The following DEGS2 variants were observed in gnomAD, a reference collection of about 807,000 sequenced individuals.
DEGS2 encodes delta 4-desaturase, sphingolipid 2, also known as sphingolipid delta(4)-desaturase/C4-monooxygenase DES2.
In DEGS2, 19 loss-of-function variants were observed where a neutral mutation model predicts 23.8. That is an observed-to-expected ratio of 0.80 (90% confidence interval 0.56 to 1.17). The LOEUF (loss-of-function observed/expected upper bound fraction) is 1.17. DEGS2 is among the 50% of genes most tolerant of loss of function. The pLI, the probability that DEGS2 is intolerant of heterozygous loss-of-function variation, is 0.00. For missense variants in DEGS2, 390 were observed against 459.5 expected (o/e 0.85, Z 1.38); for synonymous variants, 218 against 213.7 (o/e 1.02, Z -0.18).
At chr14:100,161,807 C>T (rs111772015), upstream of DEGS2, among the ~76,000 whole-genome samples, 9,034 of 152,266 alleles carry the variant, frequency 0.059, 553 homozygotes, top group African/African-American at 0.15. Flanking sequence ...TGGTGGCTCA[C>T]GCCTGTAATC....
upstream of DEGS2, among the ~76,000 whole-genome samples, chr14:100,160,879 G>A (rs1889738358): frequency 6.6e-6 from 1 of 152,210 alleles, no homozygotes; most frequent in South Asian, 2.1e-4. Flanking sequence ...TTTTCCATCA[G>A]CAGGGGGACC....
chr14:100,152,423 G>T (rs1889587785), intron 1 of DEGS2, among the ~76,000 whole-genome samples: 1 of 152,202 alleles, frequency 6.6e-6, no homozygotes, highest in African/African-American at 2.4e-5. Flanking sequence ...GGTGTTTCCA[G>T]ACTGGCAGAG....
intron 1 of DEGS2, 75 bp downstream of exon 1, chr14:100,159,431 G>A: frequency 8.2e-7 from 1 of 1,216,438 alleles, no homozygotes; most frequent in South Asian, 1.7e-5. Flanking sequence ...GCCCGTCTGG[G>A]CTCGACCCCA....
At chr14:100,166,643 AGGG>A in the DEGS2 span, among the ~76,000 whole-genome samples, 1 of 152,072 alleles carries the variant, frequency 6.6e-6, no homozygotes, top group Non-Finnish European at 1.5e-5. Flanking sequence ...AAATACCGAC[AGGG>A]TCATTCTCCC....
At chr14:100,156,852 G>A (rs1367420415) in intron 1 of DEGS2, among the ~76,000 whole-genome samples, 1 of 152,230 alleles carries the variant, frequency 6.6e-6, no homozygotes, top group East Asian at 1.9e-4. Context: ...GCCGGGGAGG[G>A]AGGGAATGGC....
chr14:100,149,772 G>T (rs1338696939), intron 1 of DEGS2, 62 bp from the exon 2 acceptor site: 8 of 1,501,094 alleles, frequency 5.3e-6, no homozygotes, highest in Non-Finnish European at 7.2e-6. Context: ...GCCCTCCTCC[G>T]CTCCCACTGC....
intron 1 of DEGS2, among the ~76,000 whole-genome samples, chr14:100,158,374 C>A (rs998063982): frequency 6.6e-6 from 1 of 151,776 alleles, no homozygotes; most frequent in Non-Finnish European, 1.5e-5. Context: ...TCGCGCCTAG[C>A]CAACATGGTG....
chr14:100,146,740 C>A lies in DEGS2; in HGVS notation c.*21G>T. On this transcript the variant is annotated 3_prime_UTR_variant, in exon 3 of 3. Transcript: ENST00000305631. ...AGGGGCCGATGGGGGACAATGGCCA[C>A]CACCAGGAGGCAGCCCGGGCTCACA... 6.2e-7 allele frequency: 1 copy of A among 1,611,094 alleles called. No individual in the cohort carries two copies. The highest frequency in any genetic ancestry group is 8.5e-7 in the Non-Finnish European group (1 of 1,178,548).
At chr14:100,152,391 A>G (rs1428830225) in intron 1 of DEGS2, among the ~76,000 whole-genome samples, 4 of 152,134 alleles carry the variant, frequency 2.6e-5, no homozygotes, top group African/African-American at 4.8e-5. Context: ...GCTATGGAGC[A>G]TTATTTCTGG....
chr14:100,154,690 G>A (rs1889630682), intron 1 of DEGS2, among the ~76,000 whole-genome samples: 1 of 152,254 alleles, frequency 6.6e-6, no homozygotes, highest in African/African-American at 2.4e-5. Flanking sequence ...CAGGACAGTT[G>A]CATCACCCTG....
intron 1 of DEGS2, among the ~76,000 whole-genome samples, chr14:100,152,912 G>A (rs145754055): frequency 1.3e-5 from 2 of 151,766 alleles, no homozygotes; most frequent in South Asian, 2.1e-4. Context: ...AAGGAAAGAA[G>A]GAAGGGAGGG....
chr14:100,152,505 T>C (rs1038202541), intron 1 of DEGS2, among the ~76,000 whole-genome samples: 1 of 152,170 alleles, frequency 6.6e-6, no homozygotes, highest in African/African-American at 2.4e-5. Flanking sequence ...AGGGCCCCGA[T>C]AGAACAAAAA....
chr14:100,148,353 C>T (rs977445502), intron 2 of DEGS2, among the ~76,000 whole-genome samples: 4 of 152,230 alleles, frequency 2.6e-5, no homozygotes, highest in African/African-American at 9.6e-5. Flanking sequence ...CCCTTTGCCA[C>T]AGGTAACTCC....
chr14:100,151,538 A>G (rs1276470097), intron 1 of DEGS2, among the ~76,000 whole-genome samples: 8 of 152,206 alleles, frequency 5.3e-5, no homozygotes, highest in Non-Finnish European at 1.2e-4. Context: ...CTGAACGAGC[A>G]GAGAATGGCA....
chr14:100,152,941 A>G (rs963315745), intron 1 of DEGS2, among the ~76,000 whole-genome samples: 1 of 152,128 alleles, frequency 6.6e-6, no homozygotes, highest in African/African-American at 2.4e-5. Context: ...AAAGGGAAGG[A>G]AGGAAGATAG....
upstream of DEGS2, chr14:100,159,759 GC>G (rs1159671314): frequency 5.8e-6 from 2 of 346,800 alleles, no homozygotes; most frequent in Non-Finnish European, 1.0e-5. Context: ...GGGCGGCCGG[GC>G]CCCGGCGCTC....
chr14:100,160,022 T>C (rs1365477152), upstream of DEGS2: 1 of 153,238 alleles, frequency 6.5e-6, no homozygotes, highest in Non-Finnish European at 1.5e-5. Flanking sequence ...CACGCCCCTG[T>C]GGCTCGCGCC....
intron 1 of DEGS2, among the ~76,000 whole-genome samples, chr14:100,159,305 C>A (rs1889710150): frequency 6.6e-6 from 1 of 152,210 alleles, no homozygotes; most frequent in Non-Finnish European, 1.5e-5. Context: ...TCCTCAGGTC[C>A]CAGGGAGTTT....
upstream of DEGS2, among the ~76,000 whole-genome samples, chr14:100,163,436 C>CCAT (rs1889772513): frequency 6.6e-6 from 1 of 152,050 alleles, no homozygotes; most frequent in African/African-American, 2.4e-5. Flanking sequence ...GAGCCGAACT[C>CCAT]CATCTCAAAA....
Sources: allele counts gnomAD v4.1 joint callset (sites outside exome capture counted in the v4.1 genomes callset), GRCh38; gene constraint gnomAD v4.1.1; transcripts MANE v1.5; gene names NCBI Gene and HGNC (gene_info 2026-07-23, HGNC 2026-07-21).